Variants in HMCN2 observed in about 807,000 individuals in gnomAD.
The protein encoded by HMCN2 is hemicentin 2, also known as hemicentin-2.
Under a neutral mutation model 377.5 loss-of-function variants are expected in HMCN2, and 325 were observed. The observed-to-expected ratio is 0.86, with a 90% confidence interval of 0.79 to 0.94. The LOEUF (loss-of-function observed/expected upper bound fraction) is 0.94, where lower values mean the gene tolerates loss of function less well. Ranked by LOEUF, HMCN2 falls within the 40% of genes least tolerant of loss-of-function variation. The pLI is 0.00. For missense variants in HMCN2, 4,543 were observed against 4,725.3 expected (o/e 0.96, Z 1.13); for synonymous variants, 2,007 against 2,046.8 (o/e 0.98, Z 0.53).
rs1206920014 is a variant in HMCN2, at chr9:130,309,816, T to C, written c.2201-96T>C. On this transcript the variant is annotated intron_variant, in intron 14 of 97. Coordinates refer to ENST00000683500, the MANE Select transcript of HMCN2 (RefSeq NM_001291815.2). ...CACCATCTCCCAGGCCCCAACCTTG[T>C]GCAGCCGCAGGAGCCAAGGGTCAGG... is the stretch of plus-strand genomic sequence containing the variant. 18 of 351,660 alleles carry C rather than the reference T, an allele frequency of 5.1e-5. No homozygotes were observed. In the East Asian group the frequency reaches 1.4e-3, roughly 27 times the overall value. 21.8% of individuals were successfully genotyped at this position (351,660 alleles called of 1,614,324 possible).
rs950430019 is a variant in HMCN2 at position 130,324,179 on chromosome 9, C to T, written c.2921-1416C>T. Among the ~76,000 whole-genome samples the T allele has an allele frequency of 4.8e-3, 725 of 152,308 alleles. 2 individuals carry two copies. The highest frequency in any genetic ancestry group is 0.016 in the African/African-American group (678 of 41,548). ...TCATTAAACATTAGCTCCCCATTCC[C>T]GTCTCCCCTCAGCCCCCTGGGAGCC... On this transcript the variant is annotated intron_variant, in intron 19 of 97. Coordinates refer to ENST00000683500, the MANE Select transcript of HMCN2 (RefSeq NM_001291815.2).
At chr9:130,396,796 C>T (rs771275100) in intron 73 of HMCN2, among the ~76,000 whole-genome samples, 12 of 152,170 alleles carry the variant, frequency 7.9e-5, no homozygotes, top group Non-Finnish European at 1.6e-4. Context: ...CAACTGTGGC[C>T]AGGGGCGGGA....
Position 130,430,491 on chromosome 9 carries a change from C to T in HMCN2, c.14534C>T (p.Pro4845Leu), listed in dbSNP as rs760407756. The T allele has an allele frequency of 2.6e-5, 40 of 1,550,458 alleles. No homozygotes were observed. The highest frequency in any genetic ancestry group is 3.4e-5 in the Non-Finnish European group (39 of 1,146,954). ...LPWLRPWASI[P>L]GTSYHAWVSL... ...TGGCTGCGGCCCTGGGCCTCGATCC[C>T]CGGTACCTCCTACCACGCCTGGGTC... Residue 4845 changes from proline to leucine, a missense_variant, in exon 95 of 98, where the codon CCC becomes CTC. Physicochemically the swap from Pro to Leu is moderately conservative, Grantham distance 98. Transcript: ENST00000683500.
rs370014423 is a variant in HMCN2, at chr9:130,379,388, C to T, written c.8352C>T (p.Asn2784=). Residue 2784 remains asparagine, a synonymous_variant, in exon 54 of 98, where the codon AAC becomes AAT. Transcript: ENST00000683500. ...NNPAYLYCDT[N]AIPPPDLTWY... is the part of the protein sequence containing the mutation. Reference sequence around the variant, plus strand: ...CAGCCTACCTGTACTGCGACACCAACGCGATCCCACCCCCGGACCTCACCT... The same window carrying T: ...CAGCCTACCTGTACTGCGACACCAATGCGATCCCACCCCCGGACCTCACCT... 38 of 985,848 alleles carry T rather than the reference C, an allele frequency of 3.9e-5. No homozygotes were observed. Among genetic ancestry groups the T allele is most frequent in the Admixed American group, 6.1e-5 (1 of 16,288 alleles). The allele number at this position is 985,848 out of a possible 1,614,324, so 61.1% of individuals were successfully genotyped here.
intron 21 of HMCN2, among the ~76,000 whole-genome samples, chr9:130,326,674 C>T (rs1255550331): frequency 6.6e-6 from 1 of 152,096 alleles, no homozygotes; most frequent in Admixed American, 6.5e-5. Flanking sequence ...TTGATGTCCC[C>T]AACTGGCTAG....
intron 25 of HMCN2, among the ~76,000 whole-genome samples, chr9:130,343,479 G>A (rs1159458408): frequency 1.3e-5 from 2 of 152,186 alleles, no homozygotes; most frequent in Non-Finnish European, 2.9e-5. Flanking sequence ...GGAGCTCTGG[G>A]AGCCCCTCTG....
Position 130,383,527 on chromosome 9 carries a change from C to T in HMCN2, c.8757C>T (p.Asp2919=), listed in dbSNP as rs1841847713. The T allele has an allele frequency of 6.1e-6, 6 of 985,970 alleles. No homozygotes were observed. The highest frequency in any genetic ancestry group is 1.7e-5 in the African/African-American group (1 of 57,248). 61.1% of individuals were successfully genotyped at this position (985,970 alleles called of 1,614,324 possible). A position where few individuals can be genotyped will look rare whatever the true frequency, so the allele number is the denominator to read the frequency against. ...VLQVSTAEVA[D]AASYMCVAEN... ...AGGTTTCCACGGCAGAGGTGGCCGA[C>T]GCCGCCAGCTACATGTGTGTGGCCG... The change falls in exon 57 of 98, where the codon GAC becomes GAT. Residue 2919 remains aspartate (D), a synonymous_variant. Transcript: ENST00000683500.
chr9:130,284,227 C>G (rs1397542290), intron 1 of HMCN2, among the ~76,000 whole-genome samples: 1 of 152,270 alleles, frequency 6.6e-6, no homozygotes, highest in African/African-American at 2.4e-5. Flanking sequence ...CTTCTTGTTT[C>G]TTTGTCTTCC....
chr9:130,318,614 G>A (rs971355901), intron 15 of HMCN2, among the ~76,000 whole-genome samples: 5 of 152,176 alleles, frequency 3.3e-5, no homozygotes, highest in African/African-American at 1.2e-4. Context: ...GGAAGGGCGT[G>A]GGATTTGGGG....
chr9:130,306,535 G>C (rs972255749), intron 12 of HMCN2, among the ~76,000 whole-genome samples: 5 of 150,414 alleles, frequency 3.3e-5, no homozygotes, highest in African/African-American at 1.2e-4. Context: ...ACCTGTGCCT[G>C]AGTCCCGTCC....
At chr9:130,397,198 A>T (rs546799801) in intron 73 of HMCN2, among the ~76,000 whole-genome samples, 1 of 152,366 alleles carries the variant, frequency 6.6e-6, no homozygotes, top group South Asian at 2.1e-4. Flanking sequence ...AACAAGTTAC[A>T]TCTTACGTGG....
rs566321766 is a variant in HMCN2 at position 130,382,219 on chromosome 9, G to A, written c.8467G>A (p.Glu2823Lys). 2.2e-4 allele frequency: 212 copies of A among 985,850 alleles called. No individual in the cohort carries two copies. In the African/African-American group the frequency reaches 3.1e-3, roughly 15 times the overall value. The allele number at this position is 985,850 out of a possible 1,614,324, so 61.1% of individuals were successfully genotyped here. A position where few individuals can be genotyped will look rare whatever the true frequency, so the allele number is the denominator to read the frequency against. Residue 2823 changes from glutamate to lysine, a missense_variant, in exon 55 of 98, where the codon GAG (glutamate) becomes AAG (lysine). Coordinates refer to ENST00000683500, the MANE Select transcript of HMCN2 (RefSeq NM_001291815.2). Reference sequence around the variant, plus strand: ...CCTGCAGATCCCCCTGGTGCGGGCAGAGAACGCCGGGAGGTACTCGTGCAA... The same window carrying A: ...CCTGCAGATCCCCCTGGTGCGGGCAAAGAACGCCGGGAGGTACTCGTGCAA... ...RVLQIPLVRAENAGRYSCKAS... is the reference protein window; with the variant it reads ...RVLQIPLVRAKNAGRYSCKAS...
chr9:130,380,577 A>G (rs1841656288), intron 54 of HMCN2, among the ~76,000 whole-genome samples: 1 of 152,102 alleles, frequency 6.6e-6, no homozygotes. Context: ...GCTTGAGCCC[A>G]GGTATTCAAG....
At chr9:130,316,634 A>G (rs1227523584) in intron 15 of HMCN2, among the ~76,000 whole-genome samples, 1 of 152,194 alleles carries the variant, frequency 6.6e-6, no homozygotes, top group Non-Finnish European at 1.5e-5. Context: ...GCTGCTGACA[A>G]CATCACCTGT....
chr9:130,411,344 G>A (rs1026325712), intron 85 of HMCN2, among the ~76,000 whole-genome samples: 2 of 152,296 alleles, frequency 1.3e-5, no homozygotes, highest in South Asian at 4.1e-4. Context: ...ACTCACAGCT[G>A]TAATCCCAGC....
In HMCN2 at chr9:130,414,123, C is replaced by T. The variant is rs962863977; in HGVS notation, c.12961+3471C>T. ...ACTGGGAGCCTCTAACTTCCACCCT[C>T]GCCCCTGTACCGAGGCACTGCTCTC... is the stretch of plus-strand genomic sequence containing the variant. On this transcript the variant is annotated intron_variant, in intron 85 of 97. Coordinates refer to ENST00000683500, the MANE Select transcript of HMCN2 (RefSeq NM_001291815.2). This position sits in a 1 kb window ranked among gnomAD's most constrained non-coding sequence, Gnocchi z 4.4. Among the ~76,000 whole-genome samples, 1 of 152,192 alleles carries T rather than the reference C, an allele frequency of 6.6e-6. No homozygotes were observed. The highest frequency in any genetic ancestry group is 1.5e-5 in the Non-Finnish European group (1 of 68,036).
intron 15 of HMCN2, among the ~76,000 whole-genome samples, chr9:130,315,987 T>TG (rs1411279720): frequency 4.1e-4 from 63 of 152,184 alleles, no homozygotes; most frequent in Non-Finnish European, 6.9e-4. Context: ...TATGGGTTTG[T>TG]GGGGGACACA....
At chr9:130,373,879 CATGGATGGATGG>C (rs146554897) in intron 48 of HMCN2, among the ~76,000 whole-genome samples, 8 of 130,452 alleles carry the variant, frequency 6.1e-5, no homozygotes, top group African/African-American at 1.3e-4. Flanking sequence ...TGGATGGGTG[CATGGATGGATGG>C]ATGGATGGAT....
chr9:130,305,385 T>C (rs907838257), intron 11 of HMCN2, among the ~76,000 whole-genome samples: 1 of 152,144 alleles, frequency 6.6e-6, no homozygotes, highest in Non-Finnish European at 1.5e-5. Context: ...CAGATGTATT[T>C]GGCAGAGATC....
Sources: gnomAD v4.1 joint callset for allele counts (sites outside exome capture counted in the v4.1 genomes callset) on GRCh38, gnomAD v4.1.1 for gene constraint, Gnocchi (gnomAD v3.1) non-coding constraint, MANE v1.5 for transcripts, NCBI Gene and HGNC (gene_info 2026-07-23, HGNC 2026-07-21) for gene names.